Variants in FAM200B observed in about 807,000 individuals in gnomAD.
FAM200B encodes zinc finger BED-type containing 11, also known as protein FAM200B.
FAM200B carries 32 observed loss-of-function variants against 33.1 expected under a neutral mutation model. The observed-to-expected ratio is 0.97, with a 90% CI of 0.73 to 1.30. FAM200B has a LOEUF of 1.30. Ranked by LOEUF, FAM200B falls within the 50% of genes most tolerant of loss-of-function variation. The pLI is 0.00. For missense variants in FAM200B, 741 were observed against 754.0 expected, an observed-to-expected ratio of 0.98 and a Z score of 0.20; for synonymous variants, 240 against 264.8, an observed-to-expected ratio of 0.91 and a Z score of 0.91.
At chr4:15,649,653 TTA>T in the FAM200B span, among the ~76,000 whole-genome samples, 4 of 151,920 alleles carry the variant, frequency 2.6e-5, no homozygotes, top group Non-Finnish European at 4.4e-5. Context: ...TGAAATCTGT[TTA>T]TATAAATAGT....
At chr4:15,670,524 T>C in the FAM200B span, among the ~76,000 whole-genome samples, 21 of 152,220 alleles carry the variant, frequency 1.4e-4, no homozygotes, top group Non-Finnish European at 2.9e-4. Flanking sequence ...ATAAGAGGCA[T>C]AAAATTGGAT....
upstream of FAM200B, among the ~76,000 whole-genome samples, chr4:15,680,032 T>C (rs148897867): frequency 3.4e-3 from 509 of 151,938 alleles, 1 homozygote; most frequent in Non-Finnish European, 5.4e-3. Flanking sequence ...CTGGAGTATA[T>C]CTACAAAATG....
chr4:15,679,547 G>A (rs1432257292), upstream of FAM200B, among the ~76,000 whole-genome samples: 1 of 145,656 alleles, frequency 6.9e-6, no homozygotes, highest in Non-Finnish European at 1.5e-5. Flanking sequence ...ATATGCTAAA[G>A]GTACAGTTCA....
the FAM200B span, among the ~76,000 whole-genome samples, chr4:15,648,500 G>A: frequency 6.6e-6 from 1 of 152,096 alleles, no homozygotes; most frequent in African/African-American, 2.4e-5. Context: ...GTCCACAAAT[G>A]AGTAAAGAAA....
chr4:15,687,392 T>C lies in FAM200B; in HGVS notation c.415T>C (p.Ser139Pro). The C allele has an allele frequency of 1.9e-6, 3 of 1,547,928 alleles. No homozygotes were observed. Among genetic ancestry groups the C allele is most frequent in the Non-Finnish European group, 2.6e-6 (3 of 1,144,754 alleles). The change falls in exon 2 of 2, where the codon TCT (serine) becomes CCT (proline). Residue 139 changes from serine (S) to proline (P), a missense_variant. Transcript: ENST00000422728. The part of the protein sequence containing the change: ...IKLSTQFLSC[S>P]TAVSEKALLS... ...GTTATCAACACAATTTCTTAGTTGT[T>C]CTACTGCTGTTAGTGAGAAAGCCTT...
the FAM200B span, chr4:15,656,277 A>G: frequency 6.6e-6 from 3 of 456,146 alleles, no homozygotes; most frequent in Non-Finnish European, 1.3e-5. Context: ...CCCTGGCCAC[A>G]GACCTCCTGG....
chr4:15,658,994 C>G, the FAM200B span, among the ~76,000 whole-genome samples: 6 of 152,174 alleles, frequency 3.9e-5, no homozygotes, highest in Non-Finnish European at 5.9e-5. Flanking sequence ...AGCTTTTAAA[C>G]TCAGTTTCAT....
chr4:15,646,184 T>C, the FAM200B span, among the ~76,000 whole-genome samples: 4 of 152,222 alleles, frequency 2.6e-5, no homozygotes, highest in Non-Finnish European at 5.9e-5. Flanking sequence ...TGAATGACTG[T>C]AGCTGTATTT....
At chr4:15,641,385 C>G in the FAM200B span, 2 of 347,134 alleles carry the variant, frequency 5.8e-6, no homozygotes, top group South Asian at 4.7e-5. Context: ...AACCCCACCT[C>G]TTCTTCCTCC....
the FAM200B span, among the ~76,000 whole-genome samples, chr4:15,653,830 C>T: frequency 6.6e-6 from 1 of 152,196 alleles, no homozygotes; most frequent in South Asian, 2.1e-4. Flanking sequence ...GCATACTGCA[C>T]TCAAATGGAG....
the FAM200B span, among the ~76,000 whole-genome samples, chr4:15,667,096 CTAT>C: frequency 1.1e-4 from 16 of 152,176 alleles, 1 homozygote; most frequent in Non-Finnish European, 2.2e-4. Context: ...CAAATTGCAG[CTAT>C]TAAATAATCT....
the FAM200B span, among the ~76,000 whole-genome samples, chr4:15,654,505 A>C: frequency 6.6e-6 from 1 of 152,226 alleles, no homozygotes; most frequent in Non-Finnish European, 1.5e-5. Context: ...GAAATCCAAG[A>C]GAGAATTGCT....
chr4:15,652,034 C>G, the FAM200B span, among the ~76,000 whole-genome samples: 1 of 152,278 alleles, frequency 6.6e-6, no homozygotes, highest in Admixed American at 6.5e-5. Context: ...AGACTAGAGA[C>G]CACATGTCAC....
the FAM200B span, among the ~76,000 whole-genome samples, chr4:15,645,122 C>G: frequency 6.6e-6 from 1 of 151,906 alleles, no homozygotes; most frequent in Non-Finnish European, 1.5e-5. Flanking sequence ...CTACTAACAC[C>G]ATACCTCCTA....
chr4:15,656,230 C>G, the FAM200B span: 25 of 456,124 alleles, frequency 5.5e-5, no homozygotes, highest in Non-Finnish European at 1.3e-5. Flanking sequence ...GTCACTAACC[C>G]AGGAAAATGT....
the FAM200B span, among the ~76,000 whole-genome samples, chr4:15,661,108 G>A: frequency 3.9e-5 from 6 of 151,960 alleles, no homozygotes; most frequent in South Asian, 2.1e-4. Flanking sequence ...AACCTTTAAC[G>A]AATCATTATT....
upstream of FAM200B, among the ~76,000 whole-genome samples, chr4:15,678,966 A>G (rs934589217): frequency 5.3e-5 from 8 of 151,900 alleles, no homozygotes; most frequent in African/African-American, 1.7e-4. Flanking sequence ...GAAATAAAAA[A>G]CAAACCCTTC....
chr4:15,638,838 T>C, the FAM200B span: 937 of 567,916 alleles, frequency 1.6e-3, 8 homozygotes, highest in African/African-American at 0.014. Flanking sequence ...ACCACTGAGT[T>C]AGTTTATCTA....
At chr4:15,670,203 G>A in the FAM200B span, among the ~76,000 whole-genome samples, 2 of 152,078 alleles carry the variant, frequency 1.3e-5, no homozygotes, top group African/African-American at 4.8e-5. Flanking sequence ...CTAAATTTTG[G>A]TCATTACAAA....
Sources: allele counts gnomAD v4.1 joint callset (sites outside exome capture counted in the v4.1 genomes callset), GRCh38; gene constraint gnomAD v4.1.1; transcripts MANE v1.5; gene names NCBI Gene and HGNC (gene_info 2026-07-23, HGNC 2026-07-21).